NOX4: variants seen among roughly 807,000 people sequenced by gnomAD.
NOX4 encodes kidney oxidase-1.
A neutral mutation model predicts 87.6 loss-of-function variants in NOX4; 69 were observed. The observed-to-expected ratio is 0.79, with a 90% CI of 0.65 to 0.96. The LOEUF (loss-of-function observed/expected upper bound fraction) is 0.96, where lower values mean the gene tolerates loss of function less well. NOX4 is among the 40% of genes least tolerant of loss of function. The probability of loss-of-function intolerance (pLI) is 0.00; values close to 1 mark genes in which losing one functional copy is unlikely to be tolerated. For synonymous variants in NOX4, 275 were observed against 238.2 expected, an observed-to-expected ratio of 1.15 and a Z score of -1.42; for missense variants, 680 against 681.5, an observed-to-expected ratio of 1.00 and a Z score of 0.02.
Position 89,490,492 on chromosome 11 carries a change from C to T in NOX4, c.119G>A (p.Gly40Glu). 6.2e-7 allele frequency: 1 copy of T among 1,613,760 alleles called. No individual in the cohort carries two copies. Among genetic ancestry groups the T allele is most frequent in the Non-Finnish European group, 8.5e-7 (1 of 1,179,836 alleles). ...CTGGTGGAGGTAGTGATACTCTGGC[C>T]CTTGGTTATACAGCAAGAAGGTTTT... is the stretch of plus-strand genomic sequence containing the variant. ...FWKTFLLYNQ[G>E]PEYHYLHQML... The change falls in exon 2 of 18, where the codon GGG (glycine) becomes GAG (glutamate). Residue 40 changes from glycine (G) to glutamate (E), a missense_variant. Transcript: ENST00000263317.
chr11:89,491,963 G>C (rs1184882172), upstream of NOX4, among the ~76,000 whole-genome samples: 1 of 152,078 alleles, frequency 6.6e-6, no homozygotes, highest in Admixed American at 6.5e-5. Flanking sequence ...CCAGCCGCCA[G>C]TTTCTTTATC....
the NOX4 span, among the ~76,000 whole-genome samples, chr11:89,540,600 A>G: frequency 6.6e-6 from 1 of 151,788 alleles, no homozygotes; most frequent in Admixed American, 6.6e-5. Context: ...ATCCTGGCTA[A>G]CACGGTGAAA....
At position 89,400,016 on chromosome 11, in the gene NOX4, C is replaced by T; in HGVS notation, c.1074+1G>A. 4 of 1,605,298 alleles carry T rather than the reference C, an allele frequency of 2.5e-6. No homozygotes were observed. The highest frequency in any genetic ancestry group is 3.4e-6 in the Non-Finnish European group (4 of 1,173,836). On this transcript the variant is annotated splice_donor_variant, in intron 11 of 17. Coordinates refer to ENST00000263317, the MANE Select transcript of NOX4 (RefSeq NM_016931.5). LOFTEE classifies it high-confidence loss of function. ...GAAAAAGCAAGAGATATGTTTCTTA[C>T]CATTGTGAGGGTAAATGGATGATTT...
intron 12 of NOX4, among the ~76,000 whole-genome samples, chr11:89,356,548 A>G (rs1373004078): frequency 6.6e-6 from 1 of 152,076 alleles, no homozygotes; most frequent in Non-Finnish European, 1.5e-5. Context: ...TTACCTCTAG[A>G]GTCATACCTA....
intron 13 of NOX4, among the ~76,000 whole-genome samples, chr11:89,348,570 T>C (rs2134947054): frequency 6.6e-6 from 1 of 152,296 alleles, no homozygotes; most frequent in South Asian, 2.1e-4. Context: ...TGGGCTGTGC[T>C]GGCACCACTG....
At chr11:89,452,397 T>A (rs1018867060) in intron 2 of NOX4, among the ~76,000 whole-genome samples, 7 of 149,386 alleles carry the variant, frequency 4.7e-5, no homozygotes, top group Non-Finnish European at 5.9e-5. Flanking sequence ...TATCACTAAC[T>A]CTACTCATCT....
chr11:89,486,558 G>A (rs1310145399), intron 2 of NOX4, among the ~76,000 whole-genome samples: 2 of 145,208 alleles, frequency 1.4e-5, no homozygotes, highest in Admixed American at 6.9e-5. Flanking sequence ...GTGTATATAT[G>A]TGTATATATA....
chr11:89,510,006 G>T, the NOX4 span, among the ~76,000 whole-genome samples: 2 of 152,100 alleles, frequency 1.3e-5, no homozygotes, highest in Admixed American at 1.3e-4. Context: ...TTGAACCTAC[G>T]GAGTGGTAAA....
chr11:89,333,476 C>T (rs954508288), intron 17 of NOX4, among the ~76,000 whole-genome samples: 11 of 151,532 alleles, frequency 7.3e-5, no homozygotes, highest in African/African-American at 2.7e-4. Flanking sequence ...GAATACATAA[C>T]GAAGAGTTAC....
At chr11:89,478,127 T>C (rs1403733609) in intron 2 of NOX4, among the ~76,000 whole-genome samples, 2 of 152,254 alleles carry the variant, frequency 1.3e-5, no homozygotes, top group African/African-American at 4.8e-5. Context: ...GAATTAACAC[T>C]TTTTGAGAGT....
At chr11:89,464,433 G>A (rs753444523) in intron 2 of NOX4, among the ~76,000 whole-genome samples, 7 of 152,000 alleles carry the variant, frequency 4.6e-5, no homozygotes, top group African/African-American at 7.2e-5. Flanking sequence ...AAATGGAGAC[G>A]GACCCATTTT....
chr11:89,396,178 G>C (rs1353853992), intron 11 of NOX4, among the ~76,000 whole-genome samples: 5 of 151,838 alleles, frequency 3.3e-5, no homozygotes, highest in Non-Finnish European at 7.4e-5. Context: ...CTTTTATTTT[G>C]TTGAGCAGTG....
At chr11:89,471,401 GAC>G (rs1200290672) in intron 2 of NOX4, among the ~76,000 whole-genome samples, 1 of 152,076 alleles carries the variant, frequency 6.6e-6, no homozygotes, top group African/African-American at 2.4e-5. Flanking sequence ...ATAGTCACGA[GAC>G]AGATACATGA....
At chr11:89,447,949 T>C (rs1421688359) in intron 4 of NOX4, among the ~76,000 whole-genome samples, 1 of 152,132 alleles carries the variant, frequency 6.6e-6, no homozygotes, top group African/African-American at 2.4e-5. Context: ...CAACAATGCT[T>C]GGCAATTTTT....
chr11:89,423,300 G>C (rs1943186636), intron 7 of NOX4, among the ~76,000 whole-genome samples: 1 of 152,038 alleles, frequency 6.6e-6, no homozygotes, highest in Non-Finnish European at 1.5e-5. Flanking sequence ...TTATAAGTAG[G>C]ATGGGGTATT....
chr11:89,486,582 GTA>G (rs1158410063), intron 2 of NOX4, among the ~76,000 whole-genome samples: 1 of 138,706 alleles, frequency 7.2e-6, no homozygotes, highest in Non-Finnish European at 1.5e-5. Context: ...ATATATGTGT[GTA>G]TATATGTGTA....
intron 7 of NOX4, among the ~76,000 whole-genome samples, chr11:89,424,401 C>A (rs1308798427): frequency 6.7e-6 from 1 of 150,174 alleles, no homozygotes; most frequent in African/African-American, 2.4e-5. Context: ...GTAGATATAT[C>A]TACTTTTTCT....
At chr11:89,486,293 T>TA (rs1946592345) in intron 2 of NOX4, among the ~76,000 whole-genome samples, 2 of 147,896 alleles carry the variant, frequency 1.4e-5, no homozygotes, top group African/African-American at 5.0e-5. Flanking sequence ...ATAAATAAAT[T>TA]TATTTATTTA....
At position 89,342,078 on chromosome 11, in the gene NOX4, G is replaced by T; in HGVS notation, c.1333C>A (p.Leu445Met). Residue 445 changes from leucine (L) to methionine (M), a missense_variant, in exon 14 of 18, where the codon CTG becomes ATG. Leu to Met is a conservative substitution (Grantham distance 15). Transcript: ENST00000263317. ...VTPFASILNT[L>M]LDDWKPYKLR... ...AAATAGATCAAAATGACATACAACA[G>T]GGTGTTGAGTATTGATGCAAATGGA... The T allele has an allele frequency of 1.2e-6, 2 of 1,610,846 alleles. No individual in the cohort carries two copies. Among genetic ancestry groups the T allele is most frequent in the East Asian group, 2.2e-5 (1 of 44,772 alleles).
Sources: gnomAD v4.1 joint callset for allele counts (sites outside exome capture counted in the v4.1 genomes callset) on GRCh38, gnomAD v4.1.1 for gene constraint, MANE v1.5 for transcripts, NCBI Gene and HGNC (gene_info 2026-07-23, HGNC 2026-07-21) for gene names.